The following SHISA9 variants were observed in gnomAD, a reference collection of about 807,000 sequenced individuals.
The protein encoded by SHISA9 is protein shisa-9.
In SHISA9, 13 loss-of-function variants were observed where a neutral mutation model predicts 38.0. The observed-to-expected ratio is 0.34, with a 90% confidence interval of 0.22 to 0.54. The LOEUF is 0.54. Among genes scored for constraint, SHISA9 ranks in the 20% least tolerant of loss-of-function variants. The pLI is 0.91. For synonymous variants in SHISA9, 275 were observed against 242.0 expected (o/e 1.14, Z -1.27); for missense variants, 538 against 575.8 (o/e 0.93, Z 0.67).
At chr16:13,197,778 C>G (rs1177120978) in intron 2 of SHISA9, 1 of 152,166 alleles carries the variant, frequency 6.6e-6, no homozygotes, top group Non-Finnish European at 1.5e-5. Flanking sequence ...TAAGGAGTAC[C>G]TTTCCACAGA....
At chr16:13,307,489 G>A in the SHISA9 span, among the ~76,000 whole-genome samples, 1 of 152,172 alleles carries the variant, frequency 6.6e-6, no homozygotes, top group African/African-American at 2.4e-5. Flanking sequence ...TTCTGTATCT[G>A]CTGTAGGAGA....
chr16:13,394,928 G>GGTGGGT, the SHISA9 span, among the ~76,000 whole-genome samples: 7 of 139,402 alleles, frequency 5.0e-5, no homozygotes, highest in Admixed American at 5.1e-4. Context: ...CAGTATCTGG[G>GGTGGGT]GTGTGTGTGT....
At chr16:13,210,180 C>T (rs1344273966) in intron 3 of SHISA9, among the ~76,000 whole-genome samples, 2 of 152,178 alleles carry the variant, frequency 1.3e-5, no homozygotes, top group Admixed American at 1.3e-4. Context: ...GAAAAGATCA[C>T]CCTTTCACCC....
chr16:13,496,231 A>AT, the SHISA9 span, among the ~76,000 whole-genome samples: 1 of 152,030 alleles, frequency 6.6e-6, no homozygotes, highest in African/African-American at 2.4e-5. Flanking sequence ...AACTAGTCTC[A>AT]TTTTTTTTCC....
At chr16:13,030,398 A>G (rs1023224657) in intron 2 of SHISA9, among the ~76,000 whole-genome samples, 2 of 152,162 alleles carry the variant, frequency 1.3e-5, no homozygotes, top group Non-Finnish European at 2.9e-5. Flanking sequence ...TCTAAGGTAC[A>G]TTCAACAGCA....
At chr16:12,964,720 C>A (rs563678737) in intron 2 of SHISA9, among the ~76,000 whole-genome samples, 4 of 152,114 alleles carry the variant, frequency 2.6e-5, no homozygotes, top group Admixed American at 6.6e-5. Flanking sequence ...AATTCAAGAT[C>A]GTGACAGGGA....
At chr16:13,264,133 C>G in the SHISA9 span, among the ~76,000 whole-genome samples, 3 of 151,004 alleles carry the variant, frequency 2.0e-5, no homozygotes, top group South Asian at 6.3e-4. Context: ...TTCTACAACT[C>G]AATAGGGGAG....
chr16:13,551,080 CG>C, the SHISA9 span, among the ~76,000 whole-genome samples: 1 of 150,726 alleles, frequency 6.6e-6, no homozygotes, highest in Admixed American at 6.6e-5. Flanking sequence ...GCCGAGATCA[CG>C]CCACTGCACT....
chr16:13,304,828 T>A, the SHISA9 span, among the ~76,000 whole-genome samples: 1 of 152,078 alleles, frequency 6.6e-6, no homozygotes, highest in Admixed American at 6.5e-5. Context: ...GGCCTGCCAT[T>A]CATTGGTTTC....
At chr16:13,356,041 G>A in the SHISA9 span, among the ~76,000 whole-genome samples, 5 of 152,350 alleles carry the variant, frequency 3.3e-5, no homozygotes, top group Non-Finnish European at 7.3e-5. Context: ...GCAAGCTCCT[G>A]TGGGAGGAGG....
At chr16:13,004,913 C>G (rs1596578149) in intron 2 of SHISA9, among the ~76,000 whole-genome samples, 1 of 108,222 alleles carries the variant, frequency 9.2e-6, no homozygotes, top group South Asian at 2.9e-4. Context: ...GCCTGGGTGA[C>G]AAGAGTAAGA....
the SHISA9 span, among the ~76,000 whole-genome samples, chr16:13,556,786 AATAAT>A: frequency 6.6e-6 from 1 of 152,222 alleles, no homozygotes; most frequent in South Asian, 2.1e-4. Flanking sequence ...AAATAAAAAC[AATAAT>A]ATAACAACAA....
intron 2 of SHISA9, among the ~76,000 whole-genome samples, chr16:12,984,909 G>A (rs1322434980): frequency 6.6e-6 from 1 of 152,122 alleles, no homozygotes; most frequent in East Asian, 1.9e-4. Flanking sequence ...GCCTCCAGTT[G>A]GAACAAACTC....
At chr16:13,242,635 T>C (rs1822544500), downstream of SHISA9, among the ~76,000 whole-genome samples, 1 of 152,188 alleles carries the variant, frequency 6.6e-6, no homozygotes, top group African/African-American at 2.4e-5. Context: ...CCAATGCCAA[T>C]TTGCCACGTG....
the SHISA9 span, among the ~76,000 whole-genome samples, chr16:13,489,453 TCTCAA>T: frequency 6.6e-6 from 1 of 152,226 alleles, no homozygotes; most frequent in Non-Finnish European, 1.5e-5. Context: ...CTTGGCTGTG[TCTCAA>T]CTCAAATCTC....
chr16:13,225,627 A>G (rs1172210981), intron 4 of SHISA9, among the ~76,000 whole-genome samples: 1 of 152,192 alleles, frequency 6.6e-6, no homozygotes, highest in Non-Finnish European at 1.5e-5. Flanking sequence ...CCAAGAAAGA[A>G]TGAGTGGTAG....
At chr16:13,505,207 T>C in the SHISA9 span, among the ~76,000 whole-genome samples, 1 of 152,240 alleles carries the variant, frequency 6.6e-6, no homozygotes, top group Non-Finnish European at 1.5e-5. Flanking sequence ...GATTGCACCT[T>C]GCTGTGCAGA....
intron 2 of SHISA9, among the ~76,000 whole-genome samples, chr16:13,154,744 G>T (rs1428516957): frequency 1.3e-5 from 2 of 152,224 alleles, no homozygotes; most frequent in Non-Finnish European, 2.9e-5. Flanking sequence ...GCACCAAAGT[G>T]GTCTTGGTTT....
At chr16:13,460,648 G>C in the SHISA9 span, among the ~76,000 whole-genome samples, 44 of 152,308 alleles carry the variant, frequency 2.9e-4, no homozygotes, top group African/African-American at 1.0e-3. Context: ...GGATATGATA[G>C]AGCTTATCAG....
Sources: gnomAD v4.1 joint callset for allele counts (sites outside exome capture counted in the v4.1 genomes callset) on GRCh38, gnomAD v4.1.1 for gene constraint, MANE v1.5 for transcripts, NCBI Gene and HGNC (gene_info 2026-07-23, HGNC 2026-07-21) for gene names.